Variants in CFAP97 observed in about 807,000 individuals in gnomAD.
CFAP97 encodes cilia and flagella associated protein 97, also known as cilia- and flagella-associated protein 97.
A neutral mutation model predicts 43.1 loss-of-function variants in CFAP97; 36 were observed. The observed-to-expected ratio is 0.84, with a 90% CI of 0.64 to 1.10. CFAP97 has a LOEUF of 1.10. CFAP97 is among the 50% of genes least tolerant of loss of function. CFAP97 has a pLI of 0.00. For missense variants in CFAP97, 657 were observed against 620.3 expected, an observed-to-expected ratio of 1.06 and a Z score of -0.63; for synonymous variants, 228 against 225.7, an observed-to-expected ratio of 1.01 and a Z score of -0.09.
In CFAP97 at chr4:185,190,469, T is replaced by C; in HGVS notation, c.728A>G (p.His243Arg). The change falls in exon 2 of 5, where the codon CAC (histidine) becomes CGC (arginine). Residue 243 changes from histidine (H) to arginine (R), a missense_variant. Transcript: ENST00000458385. ...QPSSTTPKCGHYPEESEDTVT... is the reference protein window; with the variant it reads ...QPSSTTPKCGRYPEESEDTVT... Reference sequence around the variant, plus strand: ...AGTATCTTCAGACTCCTCAGGGTAGTGGCCACATTTTGGTGTAGTACTTGA... The same window carrying C: ...AGTATCTTCAGACTCCTCAGGGTAGCGGCCACATTTTGGTGTAGTACTTGA... 1.2e-6 allele frequency: 2 copies of C among 1,613,972 alleles called. No individual in the cohort carries two copies. The highest frequency in any genetic ancestry group is 1.7e-6 in the Non-Finnish European group (2 of 1,179,874).
chr4:185,209,947 G>A, upstream of CFAP97: 2 of 983,566 alleles, frequency 2.0e-6, no homozygotes, highest in Non-Finnish European at 2.4e-6. The surrounding 1 kb of genome is among the most constrained non-coding windows in gnomAD (Gnocchi z 5.2). Flanking sequence ...CCCGGGGGAC[G>A]CGGAGGCAGC....
intron 3 of CFAP97, among the ~76,000 whole-genome samples, chr4:185,173,953 G>C (rs1735414646): frequency 6.6e-6 from 1 of 152,026 alleles, no homozygotes; most frequent in African/African-American, 2.4e-5. Context: ...ACGTTAAATG[G>C]GTAATGGTAT....
chr4:185,176,024 G>A lies in CFAP97; in HGVS notation c.1082C>T (p.Pro361Leu). Residue 361 changes from proline (P) to leucine (L), a missense_variant, in exon 3 of 5, where the codon CCA becomes CTA. Coordinates refer to ENST00000458385, the MANE Select transcript of CFAP97 (RefSeq NM_020827.3). ...AGGCTGATCAAAGTGATGTTTTTGT[G>A]GTCCTTTTTTATCTAATTGCAGAAA... Reference protein sequence around the residue: ...KAFLQLDKKGPQKHHFDQPSV... With the variant: ...KAFLQLDKKGLQKHHFDQPSV... 3 of 1,601,484 alleles carry A rather than the reference G, an allele frequency of 1.9e-6. No homozygotes were observed. The highest frequency in any genetic ancestry group is 2.2e-5 in the East Asian group (1 of 44,604).
At chr4:185,180,033 C>G (rs1322728293) in intron 2 of CFAP97, among the ~76,000 whole-genome samples, 1 of 152,000 alleles carries the variant, frequency 6.6e-6, no homozygotes, top group African/African-American at 2.4e-5. Context: ...ATCTTGAGTT[C>G]TATGTTGTAT....
chr4:185,208,533 TC>T (rs1358711324), upstream of CFAP97, among the ~76,000 whole-genome samples: 1 of 151,692 alleles, frequency 6.6e-6, no homozygotes, highest in Non-Finnish European at 1.5e-5. Context: ...ATTGAGACCA[TC>T]CTGGCTAATA....
intron 4 of CFAP97, 93 bp from the exon 5 acceptor site, chr4:185,163,018 T>C (rs1157449756): frequency 8.9e-7 from 1 of 1,122,436 alleles, no homozygotes; most frequent in East Asian, 3.0e-5. Flanking sequence ...TGTCTAATAG[T>C]CTAATGCTAT....
chr4:185,177,716 T>G (rs1735608996), intron 2 of CFAP97, among the ~76,000 whole-genome samples: 1 of 151,828 alleles, frequency 6.6e-6, no homozygotes, highest in Admixed American at 6.6e-5. Flanking sequence ...ACACCTGTAA[T>G]TCCAGCTACT....
At position 185,175,884 on chromosome 4, in the gene CFAP97, T is replaced by G; in HGVS notation, c.1222A>C (p.Lys408Gln). The change falls in exon 3 of 5, where the codon AAA (lysine) becomes CAA (glutamine). Residue 408 changes from lysine to glutamine, a missense_variant. Transcript: ENST00000458385. ...LSRQAEKPGS[K>Q]STIPRSADHP... The stretch of plus-strand genomic sequence containing the variant: ...TCAGCCGATCTAGGAATTGTACTTT[T>G]GCTTCCCGGCTTTTCCGCCTGTCTT... The G allele has an allele frequency of 1.2e-6, 2 of 1,614,000 alleles. No individual in the cohort carries two copies. Among genetic ancestry groups the G allele is most frequent in the East Asian group, 2.2e-5 (1 of 44,872 alleles).
At chr4:185,183,541 T>G (rs959757738) in intron 2 of CFAP97, among the ~76,000 whole-genome samples, 1 of 152,240 alleles carries the variant, frequency 6.6e-6, no homozygotes, top group African/African-American at 2.4e-5. Context: ...CCACCTACCA[T>G]GACCACAGTT....
At chr4:185,191,343 C>A (rs939919582) in intron 1 of CFAP97, 131 bp from the exon 2 acceptor site, 55 of 654,496 alleles carry the variant, frequency 8.4e-5, no homozygotes, top group Non-Finnish European at 1.2e-4. Flanking sequence ...ATAAAAACAA[C>A]AACAAAAAAG....
chr4:185,183,851 T>C (rs1240627722), intron 2 of CFAP97, among the ~76,000 whole-genome samples: 2 of 152,212 alleles, frequency 1.3e-5, no homozygotes, highest in Admixed American at 1.3e-4. Flanking sequence ...AGGGGTTCTT[T>C]ACTATGCAGT....
At chr4:185,167,602 C>T (rs6848372) in intron 3 of CFAP97, among the ~76,000 whole-genome samples, 76,045 of 152,040 alleles carry the variant, frequency 0.5, 19,291 homozygotes, top group African/African-American at 0.59. Flanking sequence ...TCAAATTCCA[C>T]GATAAGGATA....
At chr4:185,186,343 G>C (rs1433839162) in intron 2 of CFAP97, among the ~76,000 whole-genome samples, 1 of 152,160 alleles carries the variant, frequency 6.6e-6, no homozygotes, top group Non-Finnish European at 1.5e-5. Flanking sequence ...TGAGGTGGGA[G>C]AATTGCTTGA....
Position 185,190,888 on chromosome 4 carries a change from C to T in CFAP97, c.309G>A (p.Leu103=). ...TTTTAAGTCCTGTTGTAACATCACACAATTTTTTTGATCTTGAAGAGGCTG... is the reference window on the plus strand; with the variant it reads ...TTTTAAGTCCTGTTGTAACATCACATAATTTTTTTGATCTTGAAGAGGCTG... ...SLPASSRSKK[L]CDVTTGLKIH... Residue 103 remains leucine (L), a synonymous_variant, in exon 2 of 5, where the codon TTG becomes TTA. Transcript: ENST00000458385. The T allele has an allele frequency of 6.2e-7, 1 of 1,613,104 alleles. No individual in the cohort carries two copies. Among genetic ancestry groups the T allele is most frequent in the South Asian group, 1.1e-5 (1 of 90,930 alleles).
intron 2 of CFAP97, among the ~76,000 whole-genome samples, chr4:185,181,207 C>T (rs764224660): frequency 1.3e-5 from 2 of 149,566 alleles, no homozygotes; most frequent in East Asian, 2.0e-4. Flanking sequence ...ACCAGGAAGG[C>T]GGAGGTTGCA....
intron 2 of CFAP97, among the ~76,000 whole-genome samples, chr4:185,183,143 G>A (rs943352417): frequency 3.3e-5 from 5 of 151,990 alleles, no homozygotes; most frequent in African/African-American, 1.2e-4. Flanking sequence ...ATGTTGATGT[G>A]GTTGGCTATA....
chr4:185,169,382 T>G (rs4129701), intron 3 of CFAP97: 73,853 of 160,500 alleles, frequency 0.46, 16,960 homozygotes, highest in Middle Eastern at 0.55. Context: ...CAGTTTCCCC[T>G]GTGTTCTCTC....
At chr4:185,174,440 T>C (rs913495485) in intron 3 of CFAP97, among the ~76,000 whole-genome samples, 2 of 152,148 alleles carry the variant, frequency 1.3e-5, no homozygotes, top group Non-Finnish European at 2.9e-5. Context: ...TTTTTATAAA[T>C]AGTAATCCTA....
At chr4:185,195,124 T>A (rs1180926041) in intron 1 of CFAP97, among the ~76,000 whole-genome samples, 4 of 152,138 alleles carry the variant, frequency 2.6e-5, no homozygotes, top group Non-Finnish European at 4.4e-5. Flanking sequence ...TAAAATGTCG[T>A]GTAAGCACAT....
Sources: gnomAD v4.1 joint callset for allele counts (sites outside exome capture counted in the v4.1 genomes callset) on GRCh38, gnomAD v4.1.1 for gene constraint, Gnocchi (gnomAD v3.1) non-coding constraint, MANE v1.5 for transcripts, NCBI Gene and HGNC (gene_info 2026-07-23, HGNC 2026-07-21) for gene names.